The following AFF1 variants were observed in gnomAD, a reference collection of about 807,000 sequenced individuals.
AFF1 encodes the protein ALF transcription elongation factor 1.
AFF1 carries 48 observed loss-of-function variants against 121.7 expected under a neutral mutation model. The observed-to-expected ratio is 0.39, with a 90% confidence interval of 0.31 to 0.50. The LOEUF is 0.50. Ranked by LOEUF, AFF1 falls within the 20% of genes least tolerant of loss-of-function variation. The pLI, the probability that AFF1 is intolerant of heterozygous loss-of-function variation, is 0.76. For synonymous variants in AFF1, 613 were observed against 563.0 expected (o/e 1.09, Z -1.26); for missense variants, 1,523 against 1,511.7 (o/e 1.01, Z -0.12).
chr4:87,132,985 C>T lies in AFF1; in HGVS notation c.3311+577C>T, dbSNP rs568622640. On this transcript the variant is annotated intron_variant, in intron 19 of 20. Transcript: ENST00000395146. Reference sequence around the variant, plus strand: ...CGGGGATGCCACAGGCGTGAGCCACCGCACCTGGCCGAGCTTTGAGGATCT... The same window carrying T: ...CGGGGATGCCACAGGCGTGAGCCACTGCACCTGGCCGAGCTTTGAGGATCT... Among the ~76,000 whole-genome samples the T allele has an allele frequency of 1.4e-4, 21 of 152,306 alleles. 1 individual carries two copies. Among genetic ancestry groups the T allele is most frequent in the South Asian group, 1.2e-3 (6 of 4,826 alleles).
intron 2 of AFF1, among the ~76,000 whole-genome samples, chr4:87,016,287 TG>T (rs1727289960): frequency 6.6e-6 from 1 of 152,206 alleles, no homozygotes; most frequent in East Asian, 1.9e-4. Context: ...TCTCATTTTA[TG>T]GGTATTTCTT....
intron 2 of AFF1, among the ~76,000 whole-genome samples, chr4:86,963,380 CAACTAGG>C (rs1249969301): frequency 5.3e-5 from 8 of 151,992 alleles, no homozygotes; most frequent in African/African-American, 1.9e-4. Context: ...TCAAAAGTGT[CAACTAGG>C]AACTAGGGAG....
chr4:87,083,878 T>C (rs1330206049), intron 4 of AFF1, among the ~76,000 whole-genome samples: 1 of 152,194 alleles, frequency 6.6e-6, no homozygotes, highest in Non-Finnish European at 1.5e-5. Context: ...TCCTCCTGCC[T>C]CTACCTCCTG....
chr4:87,017,728 G>A (rs1488591024), intron 2 of AFF1, among the ~76,000 whole-genome samples: 1 of 152,210 alleles, frequency 6.6e-6, no homozygotes, highest in Admixed American at 6.5e-5. Flanking sequence ...AGTTATCTAA[G>A]TGAAGCGTCT....
chr4:86,973,538 A>G (rs576333720), intron 2 of AFF1, among the ~76,000 whole-genome samples: 1 of 152,246 alleles, frequency 6.6e-6, no homozygotes, highest in East Asian at 1.9e-4. Flanking sequence ...AAATTTTTTA[A>G]TGTATTGAAT....
At chr4:87,107,188 G>T (rs1389820553) in intron 10 of AFF1, among the ~76,000 whole-genome samples, 2 of 152,072 alleles carry the variant, frequency 1.3e-5, no homozygotes, top group Admixed American at 6.6e-5. Context: ...TAGTGATTTT[G>T]TTATTGTTTA....
intron 7 of AFF1, among the ~76,000 whole-genome samples, chr4:87,094,355 C>T (rs1030761047): frequency 3.3e-5 from 5 of 152,110 alleles, no homozygotes; most frequent in East Asian, 1.9e-4. Flanking sequence ...TTTATGGACC[C>T]GTTTCATGTC....
At chr4:87,132,633 G>C (rs1728939898) in intron 19 of AFF1, among the ~76,000 whole-genome samples, 1 of 152,122 alleles carries the variant, frequency 6.6e-6, no homozygotes, top group Non-Finnish European at 1.5e-5. Flanking sequence ...AACATAAAAA[G>C]GTAATTGCAA....
At chr4:87,059,975 A>T (rs1485393794) in intron 4 of AFF1, among the ~76,000 whole-genome samples, 1 of 152,052 alleles carries the variant, frequency 6.6e-6, no homozygotes, top group African/African-American at 2.4e-5. Context: ...TACCCAGCTC[A>T]CTCTGGTCTG....
At chr4:87,070,153 G>GCCACCACA (rs1578189012) in intron 4 of AFF1, among the ~76,000 whole-genome samples, 1 of 152,282 alleles carries the variant, frequency 6.6e-6, no homozygotes, top group East Asian at 1.9e-4. Flanking sequence ...ACAGGCCTGC[G>GCCACCACA]CCACCACACC....
At chr4:87,019,725 T>A (rs1259652207) in intron 2 of AFF1, among the ~76,000 whole-genome samples, 1 of 152,220 alleles carries the variant, frequency 6.6e-6, no homozygotes, top group East Asian at 1.9e-4. Flanking sequence ...CTGTGTGCTT[T>A]GTAATGTCCT....
At chr4:87,076,610 T>G (rs970950120) in intron 4 of AFF1, among the ~76,000 whole-genome samples, 1 of 152,262 alleles carries the variant, frequency 6.6e-6, no homozygotes, top group African/African-American at 2.4e-5. Flanking sequence ...ATTCCTTGTT[T>G]TGTAATCCAT....
chr4:87,054,721 C>T (rs1239918425), intron 4 of AFF1, among the ~76,000 whole-genome samples: 1 of 152,124 alleles, frequency 6.6e-6, no homozygotes, highest in Non-Finnish European at 1.5e-5. Flanking sequence ...AAGAATAAGT[C>T]ACCTGCACTT....
chr4:87,014,733 C>A (rs1176985142), intron 2 of AFF1, among the ~76,000 whole-genome samples: 1 of 152,224 alleles, frequency 6.6e-6, no homozygotes, highest in African/African-American at 2.4e-5. Context: ...ACGTGACTTT[C>A]ATCCTGGATA....
chr4:87,050,550 G>T (rs565358566), intron 4 of AFF1, among the ~76,000 whole-genome samples: 87 of 152,056 alleles, frequency 5.7e-4, no homozygotes, highest in Non-Finnish European at 9.6e-4. Context: ...GTTCTAGTTG[G>T]TACTATAAAA....
rs1262116450 is a variant in AFF1 at position 87,084,134 on chromosome 4, T to G, written c.1074T>G (p.Asn358Lys). The change falls in exon 5 of 21, where the codon AAT (asparagine) becomes AAG (lysine). Residue 358 changes from asparagine (N) to lysine (K), a missense_variant. Physicochemically the swap from Asn to Lys is moderately conservative, Grantham distance 94. This residue lies in a region of AFF1 where 905 missense variants were observed against 842.5 expected (regional missense o/e 1.07). Transcript: ENST00000395146. ...TTCACTTTCAGCAGACCTACTCCAA[T>G]GAAGTCCATTGTGTTGAAGAGATTC... Reference protein sequence around the residue: ...PSQSVEQTYSNEVHCVEEILK... With the variant: ...PSQSVEQTYSKEVHCVEEILK... The G allele has an allele frequency of 6.2e-7, 1 of 1,613,904 alleles. No homozygotes were observed. Among genetic ancestry groups the G allele is most frequent in the African/African-American group, 1.3e-5 (1 of 75,034 alleles).
intron 2 of AFF1, among the ~76,000 whole-genome samples, chr4:86,963,792 T>A (rs1327610544): frequency 2.0e-5 from 3 of 149,644 alleles, no homozygotes; most frequent in Non-Finnish European, 4.5e-5. Flanking sequence ...CACCTTTTCT[T>A]TTCATTTCTT....
chr4:86,978,877 T>C (rs1171555495), intron 2 of AFF1, among the ~76,000 whole-genome samples: 10 of 152,206 alleles, frequency 6.6e-5, no homozygotes, highest in Admixed American at 2.0e-4. Context: ...TTCTAGCACT[T>C]GTAGCTCACC....
At chr4:87,025,445 T>C (rs1258589049) in intron 2 of AFF1, among the ~76,000 whole-genome samples, 1 of 152,264 alleles carries the variant, frequency 6.6e-6, no homozygotes, top group African/African-American at 2.4e-5. Flanking sequence ...GTCATAAATG[T>C]AGCCATTGGC....
Sources: allele counts gnomAD v4.1 joint callset (sites outside exome capture counted in the v4.1 genomes callset), GRCh38; gene constraint gnomAD v4.1.1; regional missense constraint gnomAD v4.1.1; transcripts MANE v1.5; gene names NCBI Gene and HGNC (gene_info 2026-07-23, HGNC 2026-07-21).